Variants in RIMS2 observed in about 807,000 individuals in gnomAD.
RIMS2 encodes regulating synaptic membrane exocytosis 2, also known as regulating synaptic membrane exocytosis protein 2.
RIMS2 carries 59 observed loss-of-function variants against 174.4 expected under a neutral mutation model. The observed-to-expected ratio is 0.34, with a 90% CI of 0.27 to 0.42. The LOEUF (loss-of-function observed/expected upper bound fraction) is 0.42, where lower values mean the gene tolerates loss of function less well. Among genes scored for constraint, RIMS2 ranks in the 10% least tolerant of loss-of-function variants. The pLI is 1.00. For synonymous variants in RIMS2, 606 were observed against 572.5 expected (o/e 1.06, Z -0.84); for missense variants, 1,620 against 1,666.3 (o/e 0.97, Z 0.48).
intron 19 of RIMS2, chr8:104,015,317 C>T: frequency 1.8e-6 from 1 of 556,028 alleles, no homozygotes; most frequent in Non-Finnish European, 3.2e-6. Flanking sequence ...GTAGATAATA[C>T]ATTCTGTGCT....
At chr8:103,820,507 CTCT>C (rs1306316880) in intron 3 of RIMS2, among the ~76,000 whole-genome samples, 3 of 151,784 alleles carry the variant, frequency 2.0e-5, no homozygotes, top group African/African-American at 4.8e-5. Context: ...TTTTACTTGT[CTCT>C]TCTTCTTAGT....
intron 2 of RIMS2, among the ~76,000 whole-genome samples, chr8:103,705,332 A>T (rs908225312): frequency 6.6e-6 from 1 of 152,066 alleles, no homozygotes; most frequent in Non-Finnish European, 1.5e-5. Context: ...TTTACTTTTA[A>T]AATTTCACTA....
At chr8:103,637,242 A>G (rs1044939840) in intron 1 of RIMS2, among the ~76,000 whole-genome samples, 3 of 152,196 alleles carry the variant, frequency 2.0e-5, no homozygotes, top group Admixed American at 1.3e-4. Flanking sequence ...TATTTCTTCT[A>G]TTAGTCATGG....
At chr8:103,581,867 T>C (rs2093638402) in intron 1 of RIMS2, among the ~76,000 whole-genome samples, 1 of 152,160 alleles carries the variant, frequency 6.6e-6, no homozygotes, top group African/African-American at 2.4e-5. Context: ...GGACTGCAAC[T>C]CTAAGGCAAG....
intron 19 of RIMS2, among the ~76,000 whole-genome samples, chr8:104,042,218 A>C (rs11774939): frequency 0.25 from 38,325 of 151,380 alleles, 5,251 homozygotes; most frequent in African/African-American, 0.35. Context: ...ATTTAGTTGA[A>C]TATTAAACGC....
chr8:103,903,452 T>C (rs1439990859), intron 4 of RIMS2, among the ~76,000 whole-genome samples: 1 of 115,290 alleles, frequency 8.7e-6, no homozygotes, highest in East Asian at 1.9e-4. Flanking sequence ...GTTAATGAAC[T>C]ATTGTCTTAA....
At chr8:104,214,552 A>G (rs2099121163) in intron 19 of RIMS2, among the ~76,000 whole-genome samples, 1 of 151,932 alleles carries the variant, frequency 6.6e-6, no homozygotes, top group South Asian at 2.1e-4. Flanking sequence ...GGTTCAAGTG[A>G]TTCTCCTGCC....
chr8:104,200,133 C>A (rs938730408), intron 19 of RIMS2, among the ~76,000 whole-genome samples: 1 of 152,150 alleles, frequency 6.6e-6, no homozygotes, highest in Non-Finnish European at 1.5e-5. Flanking sequence ...CAGGAAGATG[C>A]ATTCTACACC....
intron 10 of RIMS2, among the ~76,000 whole-genome samples, chr8:103,923,104 G>A (rs1014190770): frequency 4.0e-5 from 6 of 151,138 alleles, no homozygotes; most frequent in Admixed American, 3.3e-4. Flanking sequence ...TACATATATC[G>A]ACAGCCCATA....
chr8:104,067,232 A>G (rs2097121567), intron 19 of RIMS2, among the ~76,000 whole-genome samples: 1 of 152,140 alleles, frequency 6.6e-6, no homozygotes. Flanking sequence ...TGACATTCCT[A>G]CCTAAACACA....
chr8:103,640,198 T>A (rs1433169837), intron 1 of RIMS2, among the ~76,000 whole-genome samples: 4 of 151,926 alleles, frequency 2.6e-5, no homozygotes, highest in African/African-American at 7.2e-5. Flanking sequence ...TACTATTTTT[T>A]AAATCTTTTT....
At chr8:103,534,710 T>C (rs1838992713) in intron 1 of RIMS2, among the ~76,000 whole-genome samples, 1 of 152,202 alleles carries the variant, frequency 6.6e-6, no homozygotes, top group African/African-American at 2.4e-5. Context: ...GTGAAATATT[T>C]TCCCCCCAAA....
chr8:103,733,837 T>C (rs2097645417), intron 2 of RIMS2, among the ~76,000 whole-genome samples: 1 of 152,122 alleles, frequency 6.6e-6, no homozygotes, highest in Non-Finnish European at 1.5e-5. Context: ...CTTTTCTATC[T>C]TCAGTTCCTG....
chr8:104,198,057 A>G (rs2099034686), intron 19 of RIMS2, among the ~76,000 whole-genome samples: 1 of 152,210 alleles, frequency 6.6e-6, no homozygotes, highest in African/African-American at 2.4e-5. Context: ...CAAAACCAAT[A>G]AGCCTTTTTA....
At chr8:104,115,938 G>T (rs1413352312) in intron 19 of RIMS2, among the ~76,000 whole-genome samples, 1 of 152,090 alleles carries the variant, frequency 6.6e-6, no homozygotes, top group Non-Finnish European at 1.5e-5. Flanking sequence ...ATATCAGTGG[G>T]CCAGATCTAA....
chr8:103,824,107 G>A lies in RIMS2; in HGVS notation c.698+57570G>A, dbSNP rs536522046. ...ACTAGAATATTTACTGTGGACCTTAGCAATATACTACAATTATTAGTATAT... is the reference window on the plus strand; with the variant it reads ...ACTAGAATATTTACTGTGGACCTTAACAATATACTACAATTATTAGTATAT... On this transcript the variant is annotated intron_variant, in intron 3 of 23. Transcript: ENST00000504942. Among the ~76,000 whole-genome samples the A allele has an allele frequency of 7.4e-4, 112 of 151,992 alleles. 1 individual carries two copies. The highest frequency in any genetic ancestry group is 2.4e-3 in the African/African-American group (99 of 41,490).
intron 3 of RIMS2, among the ~76,000 whole-genome samples, chr8:103,827,309 T>C (rs1352506948): frequency 5.3e-5 from 8 of 152,228 alleles, no homozygotes; most frequent in Admixed American, 5.2e-4. Context: ...TTTTTAATAT[T>C]AACCTTTTAT....
intron 3 of RIMS2, among the ~76,000 whole-genome samples, chr8:103,879,214 A>G (rs992998504): frequency 2.0e-5 from 3 of 151,464 alleles, no homozygotes; most frequent in Non-Finnish European, 4.4e-5. Flanking sequence ...GGGTAGATGA[A>G]TAAGAGGAGC....
intron 1 of RIMS2, among the ~76,000 whole-genome samples, chr8:103,616,789 A>G (rs896764194): frequency 2.0e-5 from 3 of 152,212 alleles, no homozygotes; most frequent in Non-Finnish European, 4.4e-5. Context: ...CACAAAAAAT[A>G]AAATACCTAG....
Sources: allele counts gnomAD v4.1 joint callset (sites outside exome capture counted in the v4.1 genomes callset), GRCh38; gene constraint gnomAD v4.1.1; transcripts MANE v1.5; gene names NCBI Gene and HGNC (gene_info 2026-07-23, HGNC 2026-07-21).